ZNF608: variants seen among roughly 807,000 people sequenced by gnomAD.
ZNF608 encodes the protein renal carcinoma antigen NY-REN-36.
A neutral mutation model predicts 109.0 loss-of-function variants in ZNF608; 12 were observed. The observed-to-expected ratio is 0.11, with a 90% CI of 0.07 to 0.18. ZNF608 has a LOEUF of 0.18. ZNF608 is among the 10% of genes least tolerant of loss of function. The pLI, the probability that ZNF608 is intolerant of heterozygous loss-of-function variation, is 1.00. For missense variants in ZNF608, 1,707 were observed against 1,879.3 expected (o/e 0.91, Z 1.70); for synonymous variants, 732 against 717.4 (o/e 1.02, Z -0.33).
At chr5:124,654,457 A>G (rs1166684840) in intron 3 of ZNF608, among the ~76,000 whole-genome samples, 1 of 152,254 alleles carries the variant, frequency 6.6e-6, no homozygotes, top group Non-Finnish European at 1.5e-5. Flanking sequence ...CTAATGAATT[A>G]GAAGCAAATG....
At chr5:124,661,624 G>A (rs149872151) in intron 3 of ZNF608, among the ~76,000 whole-genome samples, 8 of 152,290 alleles carry the variant, frequency 5.3e-5, no homozygotes, top group African/African-American at 1.7e-4. Flanking sequence ...GCCTTTGTTA[G>A]CACTTACTGG....
chr5:124,713,777 G>C (rs746711073), intron 2 of ZNF608, among the ~76,000 whole-genome samples: 1 of 152,170 alleles, frequency 6.6e-6, no homozygotes, highest in African/African-American at 2.4e-5. Flanking sequence ...TTGGTGGAGA[G>C]GGGGAGGGGA....
intron 6 of ZNF608, among the ~76,000 whole-genome samples, 200 bp from the exon 7 acceptor site, chr5:124,643,883 T>C (rs541170881): frequency 2.0e-5 from 3 of 152,170 alleles, no homozygotes; most frequent in Non-Finnish European, 2.9e-5. Context: ...TGAAGGGAGG[T>C]TATAAACAGA....
chr5:124,644,913 C>T (rs986152342), intron 5 of ZNF608, among the ~76,000 whole-genome samples: 16 of 152,178 alleles, frequency 1.1e-4, no homozygotes, highest in African/African-American at 3.9e-4. Flanking sequence ...GTTCAGGCAA[C>T]ATCAAGGTCA....
intron 3 of ZNF608, among the ~76,000 whole-genome samples, chr5:124,660,231 CACAAAGGGGT>C (rs1751195126): frequency 1.3e-5 from 2 of 152,068 alleles, no homozygotes; most frequent in South Asian, 4.1e-4. Context: ...GTATATGGCA[CACAAAGGGGT>C]ACATTTTGTG....
chr5:124,739,507 T>G (rs1749290344), intron 2 of ZNF608, among the ~76,000 whole-genome samples: 1 of 152,158 alleles, frequency 6.6e-6, no homozygotes, highest in African/African-American at 2.4e-5. Flanking sequence ...ATTGACAGAA[T>G]AATTCAAGTA....
upstream of ZNF608, chr5:124,748,679 AT>A: frequency 4.4e-6 from 3 of 678,188 alleles, no homozygotes; most frequent in Non-Finnish European, 5.5e-6. Context: ...CGTCCTGTGT[AT>A]TTTTTATAAA....
At chr5:124,733,800 C>A (rs950505339) in intron 2 of ZNF608, among the ~76,000 whole-genome samples, 1 of 152,010 alleles carries the variant, frequency 6.6e-6, no homozygotes, top group Admixed American at 6.6e-5. Context: ...AAGAGCACTC[C>A]GACTTCTTTT....
At chr5:124,682,845 A>T (rs967854958) in intron 3 of ZNF608, among the ~76,000 whole-genome samples, 2 of 152,240 alleles carry the variant, frequency 1.3e-5, no homozygotes, top group Admixed American at 6.5e-5. Flanking sequence ...GGGCAGCCTC[A>T]TAATTACTTG....
intron 3 of ZNF608, among the ~76,000 whole-genome samples, chr5:124,687,376 G>A (rs1752447937): frequency 6.6e-6 from 1 of 152,178 alleles, no homozygotes; most frequent in African/African-American, 2.4e-5. Flanking sequence ...TGTGTCTTGT[G>A]TCACATAAAG....
intron 3 of ZNF608, among the ~76,000 whole-genome samples, chr5:124,675,249 A>C (rs2149817609): frequency 6.6e-6 from 1 of 152,352 alleles, no homozygotes; most frequent in South Asian, 2.1e-4. Flanking sequence ...GTTATTAGTA[A>C]GTTTCCAGTA....
chr5:124,667,959 T>C (rs1330788103), intron 3 of ZNF608, among the ~76,000 whole-genome samples: 1 of 152,098 alleles, frequency 6.6e-6, no homozygotes, highest in Non-Finnish European at 1.5e-5. Context: ...CCCCTTGCTC[T>C]AGTTGGTCAC....
chr5:124,668,713 G>C (rs534297309), intron 3 of ZNF608, among the ~76,000 whole-genome samples: 3 of 152,248 alleles, frequency 2.0e-5, no homozygotes, highest in African/African-American at 7.2e-5. Flanking sequence ...ACAGCTGGGA[G>C]GCCTGACCCA....
At chr5:124,664,196 A>G (rs998526445) in intron 3 of ZNF608, among the ~76,000 whole-genome samples, 5 of 152,164 alleles carry the variant, frequency 3.3e-5, no homozygotes, top group East Asian at 3.9e-4. Flanking sequence ...AATTCAGAGG[A>G]AAAAAAACAA....
rs755672544 is a variant in ZNF608 at position 124,649,571 on chromosome 5, A to G, written c.1250+39T>C. On this transcript the variant is annotated intron_variant, in intron 4 of 9. Coordinates refer to ENST00000513986, the MANE Select transcript of ZNF608 (RefSeq NM_020747.3). ...CTCTCTACAGTTTCCCTGCAAAGAG[A>G]GGATGGGGAAGGAGAGAAATAAAAG... 2.4e-5 allele frequency: 36 copies of G among 1,487,288 alleles called. No individual in the cohort carries two copies. In the Admixed American group the frequency reaches 6.3e-4, roughly 26 times the overall value. 92.1% of individuals were successfully genotyped at this position (1,487,288 alleles called of 1,614,324 possible).
chr5:124,681,929 A>C (rs1383997854), intron 3 of ZNF608, among the ~76,000 whole-genome samples: 2 of 152,222 alleles, frequency 1.3e-5, no homozygotes, highest in African/African-American at 4.8e-5. Flanking sequence ...TAATCTCCAG[A>C]AGTCTGAAGA....
chr5:124,671,944 G>A (rs1398378202), intron 3 of ZNF608, among the ~76,000 whole-genome samples: 1 of 151,858 alleles, frequency 6.6e-6, no homozygotes, highest in Non-Finnish European at 1.5e-5. Flanking sequence ...AGCCCCCTTG[G>A]GCTTCTTTAT....
chr5:124,679,832 A>T (rs1040419325), intron 3 of ZNF608, among the ~76,000 whole-genome samples: 1 of 152,216 alleles, frequency 6.6e-6, no homozygotes, highest in African/African-American at 2.4e-5. Context: ...GGTGTCTTCC[A>T]TGCATCTGTC....
intron 2 of ZNF608, among the ~76,000 whole-genome samples, chr5:124,727,707 G>A (rs1748675085): frequency 9.5e-6 from 1 of 105,058 alleles, no homozygotes; most frequent in Non-Finnish European, 1.9e-5. Context: ...CTCATCAGTT[G>A]TATCTTGTTG....
Sources: allele counts gnomAD v4.1 joint callset (sites outside exome capture counted in the v4.1 genomes callset), GRCh38; gene constraint gnomAD v4.1.1; transcripts MANE v1.5; gene names NCBI Gene and HGNC (gene_info 2026-07-23, HGNC 2026-07-21).